The following NIBAN2 variants were observed in gnomAD, a reference collection of about 807,000 sequenced individuals.
NIBAN2 encodes protein Niban 2.
In NIBAN2, 36 loss-of-function variants were observed where a neutral mutation model predicts 81.8. The observed-to-expected ratio is 0.44, with a 90% CI of 0.34 to 0.58. The LOEUF is 0.58. Among genes scored for constraint, NIBAN2 ranks in the 20% least tolerant of loss-of-function variants. The pLI is 0.02. For synonymous variants in NIBAN2, 445 were observed against 441.6 expected, an observed-to-expected ratio of 1.01 and a Z score of -0.10; for missense variants, 897 against 1,014.1, an observed-to-expected ratio of 0.88 and a Z score of 1.57.
At chr9:127,549,487 TCA>T (rs1435224392) in intron 1 of NIBAN2, among the ~76,000 whole-genome samples, 1 of 151,954 alleles carries the variant, frequency 6.6e-6, no homozygotes, top group Non-Finnish European at 1.5e-5. Context: ...ACATGTACAC[TCA>T]CACACCGTGC....
intron 4 of NIBAN2, 32 bp downstream of exon 4, chr9:127,525,026 G>A (rs1360035727): frequency 2.0e-6 from 3 of 1,533,288 alleles, no homozygotes; most frequent in East Asian, 4.5e-5. Context: ...GCCTGTGCAG[G>A]GCATTGTGGC....
intron 2 of NIBAN2, 121 bp downstream of exon 2, chr9:127,531,527 G>T: frequency 1.3e-6 from 1 of 799,140 alleles, no homozygotes; most frequent in Non-Finnish European, 1.9e-6. Flanking sequence ...AAGCTGGGGA[G>T]ACCCTTAGAG....
At chr9:127,531,149 C>T (rs923545272) in intron 2 of NIBAN2, among the ~76,000 whole-genome samples, 19 of 149,580 alleles carry the variant, frequency 1.3e-4, no homozygotes, top group Non-Finnish European at 2.4e-4. Flanking sequence ...CACTGCACTC[C>T]AGCCTGGGCA....
chr9:127,562,347 A>T (rs1837788561), intron 1 of NIBAN2, among the ~76,000 whole-genome samples: 1 of 152,218 alleles, frequency 6.6e-6, no homozygotes, highest in Admixed American at 6.5e-5. Flanking sequence ...CCTGCCACTG[A>T]GGTGGGAATT....
rs200796169 is a variant in NIBAN2, at chr9:127,508,094, G to A, written c.1541C>T (p.Ser514Leu). Residue 514 changes from serine to leucine, a missense_variant and splice_region_variant, in exon 12 of 14, where the codon TCG becomes TTG. This residue lies in a region of NIBAN2 where 619 missense variants were observed against 691.0 expected (regional missense o/e 0.90). Transcript: ENST00000373312. This position sits in a 1 kb window ranked among gnomAD's most constrained non-coding sequence, Gnocchi z 6.4. The stretch of plus-strand genomic sequence containing the variant: ...CTGGAGCAGGTGGGGGCTGCTCACC[G>A]ACTTGCAGGTAGGGGCCAGCTTCTT... ...LLKKLAPTCK[S>L]ELPRFQELIF... 149 of 1,613,168 alleles carry A rather than the reference G, an allele frequency of 9.2e-5. No individual in the cohort carries two copies. Among genetic ancestry groups the A allele is most frequent in the Non-Finnish European group, 1.2e-4 (145 of 1,179,740 alleles).
In NIBAN2 at chr9:127,545,022, T is replaced by G. The variant is rs190109044; in HGVS notation, c.56-13244A>C. ...TGCCCTGTTAGTGTCCCAGCTCCTC[T>G]GAGACCATCTTGGGGAGAAACAGGT... On this transcript the variant is annotated intron_variant, in intron 1 of 13. Transcript: ENST00000373312. The surrounding 1 kb of genome is among the most constrained non-coding windows in gnomAD (Gnocchi z 4.7). Among the ~76,000 whole-genome samples, 91 of 152,318 alleles carry G rather than the reference T, an allele frequency of 6.0e-4. No individual in the cohort carries two copies. Among genetic ancestry groups the G allele is most frequent in the African/African-American group, 1.8e-3 (75 of 41,568 alleles).
At position 127,527,230 on chromosome 9, in the gene NIBAN2, G is replaced by A. The variant is rs1403272504; in HGVS notation, c.279C>T (p.Pro93=). The part of the protein sequence containing the change: ...KKWRNRFSLV[P]HNYGLVLYEN... ...CGTAGAGCACCAGCCCGTAGTTGTGGGGCACGAGGCTGAAGCGGTTTCTCC... is the reference window on the plus strand; with the variant it reads ...CGTAGAGCACCAGCCCGTAGTTGTGAGGCACGAGGCTGAAGCGGTTTCTCC... Residue 93 remains proline, a synonymous_variant, in exon 3 of 14, where the codon CCC becomes CCT. Coordinates refer to ENST00000373312, the MANE Select transcript of NIBAN2 (RefSeq NM_022833.4). 1.2e-6 allele frequency: 2 copies of A among 1,614,010 alleles called. No homozygotes were observed. Among genetic ancestry groups the A allele is most frequent in the Non-Finnish European group, 8.5e-7 (1 of 1,180,024 alleles).
chr9:127,547,560 G>A (rs10122213), intron 1 of NIBAN2, among the ~76,000 whole-genome samples: 27,763 of 146,040 alleles, frequency 0.19, 2,966 homozygotes, highest in East Asian at 0.54. Flanking sequence ...CAGCACCACC[G>A]GGCACGGTGG....
At chr9:127,526,124 G>A (rs368487852) in intron 3 of NIBAN2, among the ~76,000 whole-genome samples, 10 of 152,040 alleles carry the variant, frequency 6.6e-5, no homozygotes, top group African/African-American at 1.9e-4. Flanking sequence ...TTTACAGTCC[G>A]GGTGCAGTGG....
intron 1 of NIBAN2, among the ~76,000 whole-genome samples, chr9:127,541,041 C>T (rs2806718): frequency 7.9e-5 from 12 of 152,150 alleles, no homozygotes; most frequent in Admixed American, 7.2e-4. Context: ...AGGGGGGTGC[C>T]GACCCCACCC....
In NIBAN2 at chr9:127,523,168, TTAAAAA is replaced by T. The variant is rs1475520458; in HGVS notation, c.589+505_589+510del. On this transcript the variant is annotated intron_variant, in intron 5 of 13. Transcript: ENST00000373312. ...CAAATCACCCTGCAGGTTGGTGGTT[TTAAAAA>T]AAAAAAAAAAAAAAAAAAATATATA... is the stretch of plus-strand genomic sequence containing the variant. Among the ~76,000 whole-genome samples, 68 of 19,002 alleles carry T rather than the reference TTAAAAA, an allele frequency of 3.6e-3. 2 individuals are homozygous for T. Among genetic ancestry groups the T allele is most frequent in the Admixed American group, 5.6e-3 (8 of 1,422 alleles). The allele number at this position is 19,002 out of a possible 152,430, so 12.5% of individuals were successfully genotyped here.
chr9:127,547,169 A>G (rs1445152544), intron 1 of NIBAN2, among the ~76,000 whole-genome samples: 1 of 152,138 alleles, frequency 6.6e-6, no homozygotes, highest in East Asian at 1.9e-4. Context: ...TTTGCTGGCT[A>G]TAGGACTTTC....
intron 2 of NIBAN2, 139 bp downstream of exon 2, chr9:127,531,509 A>T (rs572673302): frequency 1.3e-4 from 86 of 678,776 alleles, no homozygotes; most frequent in Non-Finnish European, 1.7e-4. Flanking sequence ...AATTAATTTT[A>T]AAAAAAGAAG....
rs1836860723 is a variant in NIBAN2 at position 127,517,753 on chromosome 9, C to T, written c.705+73G>A. The T allele has an allele frequency of 2.6e-6, 3 of 1,151,866 alleles. No homozygotes were observed. In the African/African-American group the frequency reaches 4.6e-5, roughly 18 times the overall value. 71.4% of individuals were successfully genotyped at this position (1,151,866 alleles called of 1,614,324 possible). A position where few individuals can be genotyped will look rare whatever the true frequency, so the allele number is the denominator to read the frequency against. ...GCGCCCCAGAGCCCCATCTCTGTAC[C>T]CCACCCCCTGCCCTCCCCTGCTGGG... is the stretch of plus-strand genomic sequence containing the variant. On this transcript the variant is annotated intron_variant, in intron 6 of 13. Coordinates refer to ENST00000373312, the MANE Select transcript of NIBAN2 (RefSeq NM_022833.4). The surrounding 1 kb of genome is among the most constrained non-coding windows in gnomAD (Gnocchi z 4.0).
intron 1 of NIBAN2, among the ~76,000 whole-genome samples, chr9:127,558,714 CA>C (rs1001874596): frequency 6.6e-6 from 1 of 152,022 alleles, no homozygotes; most frequent in East Asian, 1.9e-4. Flanking sequence ...ATACTGCTCT[CA>C]AAAAAAGCAA....
At chr9:127,529,398 GGAGGCC>G (rs559554928) in intron 2 of NIBAN2, among the ~76,000 whole-genome samples, 331 of 152,358 alleles carry the variant, frequency 2.2e-3, no homozygotes, top group Non-Finnish European at 3.0e-3. Context: ...CAGCACTTTG[GGAGGCC>G]GAGGCAGGTG....
rs1189755768 is a variant in NIBAN2, at chr9:127,517,761, CT to C, written c.705+64del. The stretch of plus-strand genomic sequence containing the variant: ...GAGCCCCATCTCTGTACCCCACCCC[CT>C]GCCCTCCCCTGCTGGGTCCTTGGGT... On this transcript the variant is annotated intron_variant, in intron 6 of 13. Coordinates refer to ENST00000373312, the MANE Select transcript of NIBAN2 (RefSeq NM_022833.4). The surrounding 1 kb of genome is among the most constrained non-coding windows in gnomAD (Gnocchi z 4.0). 2 of 1,242,284 alleles carry C rather than the reference CT, an allele frequency of 1.6e-6. No individual in the cohort carries two copies. The highest frequency in any genetic ancestry group is 2.3e-6 in the Non-Finnish European group (2 of 858,192). 77.0% of individuals were successfully genotyped at this position (1,242,284 alleles called of 1,614,324 possible).
chr9:127,555,700 T>A (rs1296797151), intron 1 of NIBAN2, among the ~76,000 whole-genome samples: 2 of 152,202 alleles, frequency 1.3e-5, no homozygotes, highest in East Asian at 3.8e-4. Flanking sequence ...GTGGGCTGTG[T>A]TTCCTCCTCT....
chr9:127,521,653 G>T (rs940995553), intron 5 of NIBAN2, among the ~76,000 whole-genome samples: 1 of 151,198 alleles, frequency 6.6e-6, no homozygotes, highest in Non-Finnish European at 1.5e-5. Context: ...CTCACAGTCC[G>T]CAGGGTGGAA....
Sources: gnomAD v4.1 joint callset for allele counts (sites outside exome capture counted in the v4.1 genomes callset) on GRCh38, gnomAD v4.1.1 for gene constraint, gnomAD v4.1.1 regional missense constraint, Gnocchi (gnomAD v3.1) non-coding constraint, MANE v1.5 for transcripts, NCBI Gene and HGNC (gene_info 2026-07-23, HGNC 2026-07-21) for gene names.